ADGRV1: variants seen among roughly 807,000 people sequenced by gnomAD.
ADGRV1 encodes the protein G-protein coupled receptor 98.
In ADGRV1, 359 loss-of-function variants were observed where a neutral mutation model predicts 596.2. The ratio of observed to expected loss-of-function variants is 0.60; its 90% CI spans 0.55 to 0.66. ADGRV1 has a LOEUF of 0.66. ADGRV1 is among the 30% of genes least tolerant of loss of function. ADGRV1 has a pLI of 0.00. For missense variants in ADGRV1, 7,274 were observed against 7,575.6 expected, an observed-to-expected ratio of 0.96 and a Z score of 1.48; for synonymous variants, 2,681 against 2,679.2, an observed-to-expected ratio of 1.00 and a Z score of -0.02.
intron 30 of ADGRV1, 98 bp downstream of exon 30, chr5:90,690,174 GCTTT>G: frequency 4.2e-6 from 3 of 713,134 alleles, no homozygotes; most frequent in Non-Finnish European, 7.0e-6. Flanking sequence ...ATCTGATCAT[GCTTT>G]CTTTCTTAAC....
At position 90,628,800 on chromosome 5, in the gene ADGRV1, C is replaced by T. The variant is rs779948710; in HGVS notation, c.1477C>T (p.Arg493Ter). The T allele has an allele frequency of 1.1e-5, 18 of 1,613,924 alleles. No homozygotes were observed. Among genetic ancestry groups the T allele is most frequent in the Non-Finnish European group, 1.4e-5 (17 of 1,179,838 alleles). Residue 493 changes from arginine to a stop codon, truncating the protein, a stop_gained, in exon 8 of 90, where the codon CGA becomes TGA. Transcript: ENST00000405460. LOFTEE classifies it high-confidence loss of function. ...YLLQILPHTIRGGAEVSEPAE... is the reference protein window; with the variant it reads ...YLLQILPHTI ...ACTTCAAATTCTGCCTCATACAATA[C>T]GAGGAGGTGCAGAAGTGAGCGAGCC...
At chr5:90,880,364 A>G (rs1769643980) in intron 83 of ADGRV1, among the ~76,000 whole-genome samples, 1 of 152,182 alleles carries the variant, frequency 6.6e-6, no homozygotes, top group East Asian at 1.9e-4. Flanking sequence ...GAAAATTGCT[A>G]AAGGCTTTAA....
chr5:91,116,313 A>T (rs1341871043), intron 87 of ADGRV1, among the ~76,000 whole-genome samples: 1 of 152,156 alleles, frequency 6.6e-6, no homozygotes, highest in African/African-American at 2.4e-5. Flanking sequence ...TGTCTTATTA[A>T]TTTTTAGTTT....
chr5:90,788,147 G>A lies in ADGRV1; in HGVS notation c.13730G>A (p.Ser4577Asn). 6.2e-7 allele frequency: 1 copy of A among 1,613,748 alleles called. No individual in the cohort carries two copies. Reference sequence around the variant, plus strand: ...AATAGAGACATTGCAGACCCAGTGAGCGGGTTGTTCTATTTTGGAGAAGGA... The same window carrying A: ...AATAGAGACATTGCAGACCCAGTGAACGGGTTGTTCTATTTTGGAGAAGGA... ...PQNRDIADPV[S>N]GLFYFGEGEG... The change falls in exon 68 of 90, where the codon AGC becomes AAC. Residue 4577 changes from serine (S) to asparagine (N), a missense_variant. Ser to Asn is a conservative substitution (Grantham distance 46, BLOSUM62 1). Around this residue, in one of 5 missense-constraint regions of ADGRV1, gnomAD observed 3,643 missense variants for 3,809.2 expected, o/e 0.96. Transcript: ENST00000405460.
In ADGRV1 at chr5:90,682,112, C is replaced by T. The variant is rs369934619; in HGVS notation, c.5664+658C>T. ...AACTCCCAACCTCAGGTGATCCACCCGCCTTGGCCTCTCAAAGTGCTGGAA... is the reference window on the plus strand; with the variant it reads ...AACTCCCAACCTCAGGTGATCCACCTGCCTTGGCCTCTCAAAGTGCTGGAA... On this transcript the variant is annotated intron_variant, in intron 27 of 89. Coordinates refer to ENST00000405460, the MANE Select transcript of ADGRV1 (RefSeq NM_032119.4). 4.6e-5 allele frequency among the ~76,000 whole-genome samples: 7 copies of T among 152,064 alleles called. No individual in the cohort carries two copies. In the East Asian group the frequency reaches 7.7e-4, roughly 17 times the overall value.
intron 83 of ADGRV1, among the ~76,000 whole-genome samples, chr5:90,910,552 TATC>T (rs1772779334): frequency 2.3e-4 from 1 of 4,334 alleles, no homozygotes; most frequent in African/African-American, 4.8e-4. Flanking sequence ...ATATATATAT[TATC>T]TATCTATCTA....
chr5:90,688,971 G>T (rs535039220), intron 29 of ADGRV1, among the ~76,000 whole-genome samples: 1 of 152,246 alleles, frequency 6.6e-6, no homozygotes, highest in South Asian at 2.1e-4. Context: ...TGACTTCATT[G>T]CCAGATGTAT....
At chr5:91,131,459 T>C (rs1794209418) in intron 87 of ADGRV1, among the ~76,000 whole-genome samples, 1 of 151,606 alleles carries the variant, frequency 6.6e-6, no homozygotes, top group South Asian at 2.1e-4. Flanking sequence ...TTTGTTGTTG[T>C]TGCTGTTTTG....
At chr5:90,938,139 T>G (rs1003223393) in intron 83 of ADGRV1, among the ~76,000 whole-genome samples, 3 of 152,176 alleles carry the variant, frequency 2.0e-5, no homozygotes, top group African/African-American at 7.2e-5. Context: ...CTTTCCTGCT[T>G]GAACTCATTG....
intron 75 of ADGRV1, among the ~76,000 whole-genome samples, chr5:90,820,086 G>A (rs1332056117): frequency 6.6e-6 from 1 of 151,900 alleles, no homozygotes; most frequent in African/African-American, 2.4e-5. Flanking sequence ...CTTGCTTTTT[G>A]AATCTGGGTG....
chr5:90,675,238 A>C lies in ADGRV1; in HGVS notation c.5111-5A>C, dbSNP rs769525920. The C allele has an allele frequency of 2.5e-6, 4 of 1,612,258 alleles. No homozygotes were observed. The highest frequency in any genetic ancestry group is 2.5e-6 in the Non-Finnish European group (3 of 1,179,370). ...ACAATGCCCTGGCCCCTTTGTCTCCACTAGGCTTGCTGCAGTTCTCCACAG... is the reference window on the plus strand; with the variant it reads ...ACAATGCCCTGGCCCCTTTGTCTCCCCTAGGCTTGCTGCAGTTCTCCACAG... On this transcript the variant is annotated splice_polypyrimidine_tract_variant and splice_region_variant and intron_variant, in intron 23 of 89. Transcript: ENST00000405460.
intron 87 of ADGRV1, among the ~76,000 whole-genome samples, chr5:91,103,802 A>G (rs1440864193): frequency 2.0e-5 from 3 of 152,166 alleles, no homozygotes; most frequent in Non-Finnish European, 4.4e-5. Flanking sequence ...ATGCTTATTA[A>G]ATAATAAATG....
At chr5:90,613,857 G>T (rs956387282) in intron 1 of ADGRV1, among the ~76,000 whole-genome samples, 3 of 152,072 alleles carry the variant, frequency 2.0e-5, no homozygotes, top group African/African-American at 7.2e-5. Context: ...CAAGAAAATT[G>T]TATTACTTCT....
chr5:91,071,827 A>G (rs1021528731), intron 85 of ADGRV1, among the ~76,000 whole-genome samples: 1 of 151,950 alleles, frequency 6.6e-6, no homozygotes, highest in Non-Finnish European at 1.5e-5. Context: ...GGCACCTGCC[A>G]CCACACTCAG....
chr5:90,846,051 C>T (rs1561839200), intron 78 of ADGRV1, among the ~76,000 whole-genome samples: 1 of 152,152 alleles, frequency 6.6e-6, no homozygotes, highest in African/African-American at 2.4e-5. Flanking sequence ...CTACCATGAG[C>T]TTGGAACTGT....
chr5:90,723,127 C>T (rs892996853), intron 45 of ADGRV1, among the ~76,000 whole-genome samples: 3 of 151,954 alleles, frequency 2.0e-5, no homozygotes, highest in African/African-American at 7.3e-5. Context: ...ATAGAAAGGG[C>T]TATTTGTATA....
intron 1 of ADGRV1, among the ~76,000 whole-genome samples, chr5:90,590,142 G>A (rs1189518884): frequency 6.6e-6 from 1 of 152,116 alleles, no homozygotes; most frequent in African/African-American, 2.4e-5. Context: ...AGGAATTCAT[G>A]TGTATTCAAA....
intron 21 of ADGRV1, among the ~76,000 whole-genome samples, chr5:90,670,446 G>T (rs1221431384): frequency 6.6e-6 from 1 of 152,088 alleles, no homozygotes; most frequent in Non-Finnish European, 1.5e-5. Flanking sequence ...TCGGTGAGGG[G>T]CTTGGAAGAA....
At chr5:90,569,262 G>A (rs73177814) in intron 1 of ADGRV1, among the ~76,000 whole-genome samples, 9,757 of 148,482 alleles carry the variant, frequency 0.066, 966 homozygotes, top group African/African-American at 0.22. Context: ...AGTTACAATG[G>A]CAATTAAATT....
Sources: allele counts gnomAD v4.1 joint callset (sites outside exome capture counted in the v4.1 genomes callset), GRCh38; gene constraint gnomAD v4.1.1; regional missense constraint gnomAD v4.1.1; transcripts MANE v1.5; gene names NCBI Gene and HGNC (gene_info 2026-07-23, HGNC 2026-07-21).